NCKAP5: variants seen among roughly 807,000 people sequenced by gnomAD.
NCKAP5 encodes NCK associated protein 5.
NCKAP5 carries 92 observed loss-of-function variants against 167.0 expected under a neutral mutation model. The observed-to-expected ratio is 0.55, with a 90% CI of 0.47 to 0.66. The LOEUF (loss-of-function observed/expected upper bound fraction) is 0.66. Ranked by LOEUF, NCKAP5 falls within the 30% of genes least tolerant of loss-of-function variation. NCKAP5 has a pLI of 0.00. For missense variants in NCKAP5, 2,378 were observed against 2,315.0 expected (o/e 1.03, Z -0.56); for synonymous variants, 891 against 877.4 (o/e 1.02, Z -0.27).
At chr2:132,858,879 T>A (rs1003563395) in intron 11 of NCKAP5, among the ~76,000 whole-genome samples, 63 of 152,082 alleles carry the variant, frequency 4.1e-4, no homozygotes, top group African/African-American at 1.5e-3. Flanking sequence ...AAATAAATGA[T>A]CACAATTCAT....
At chr2:132,837,207 G>A (rs894497858) in intron 11 of NCKAP5, among the ~76,000 whole-genome samples, 1 of 152,114 alleles carries the variant, frequency 6.6e-6, no homozygotes, top group African/African-American at 2.4e-5. Flanking sequence ...TCCCCCATGT[G>A]TTCTAAAGCT....
chr2:133,278,122 G>A lies in NCKAP5; in HGVS notation c.143+24915C>T, dbSNP rs759880055. On this transcript the variant is annotated intron_variant, in intron 4 of 19. Transcript: ENST00000409261. ...GACTCAAACTCCAGATGCCATACAG[G>A]ATTAGTAAATTTGACTATGTAAAAT... Among the ~76,000 whole-genome samples, 77 of 152,274 alleles carry A rather than the reference G, an allele frequency of 5.1e-4. No homozygotes were observed. In the Middle Eastern group the frequency reaches 0.014, roughly 27 times the overall value.
chr2:133,674,698 G>C, the NCKAP5 span, among the ~76,000 whole-genome samples: 1 of 151,990 alleles, frequency 6.6e-6, no homozygotes, highest in Non-Finnish European at 1.5e-5. Context: ...AGACAGGGAT[G>C]CTGAATGTTT....
At position 133,471,592 on chromosome 2, in the gene NCKAP5, A is replaced by C. The variant is rs574117977; in HGVS notation, c.69+45866T>G. Among the ~76,000 whole-genome samples the C allele has an allele frequency of 7.8e-4, 118 of 152,150 alleles. 2 individuals are homozygous for C. Among genetic ancestry groups the C allele is most frequent in the Non-Finnish European group, 4.1e-4 (28 of 68,022 alleles). On this transcript the variant is annotated intron_variant, in intron 3 of 19. Coordinates refer to ENST00000409261, the MANE Select transcript of NCKAP5 (RefSeq NM_207363.3). Reference sequence around the variant, plus strand: ...GCTGTGGGTTGGTTGGGGTATATATACTTAGAAAGACACTGCCTTGGGTGA... The same window carrying C: ...GCTGTGGGTTGGTTGGGGTATATATCCTTAGAAAGACACTGCCTTGGGTGA...
At chr2:133,080,344 T>C (rs1430964002) in intron 6 of NCKAP5, among the ~76,000 whole-genome samples, 1 of 152,170 alleles carries the variant, frequency 6.6e-6, no homozygotes, top group Non-Finnish European at 1.5e-5. Flanking sequence ...GAACATCCCA[T>C]ATAATTTACA....
intron 16 of NCKAP5, among the ~76,000 whole-genome samples, chr2:132,766,531 C>A (rs1681509188): frequency 6.6e-6 from 1 of 152,144 alleles, no homozygotes; most frequent in Admixed American, 6.5e-5. Context: ...ATTTAAAAAT[C>A]AATGTGGTTT....
At chr2:133,346,434 C>T (rs572625382) in intron 3 of NCKAP5, among the ~76,000 whole-genome samples, 3 of 152,266 alleles carry the variant, frequency 2.0e-5, no homozygotes, top group African/African-American at 4.8e-5. Context: ...TTTGCTGAGA[C>T]GTGTGAGATT....
chr2:133,576,443 G>A, the NCKAP5 span, among the ~76,000 whole-genome samples: 45 of 152,238 alleles, frequency 3.0e-4, no homozygotes, highest in Admixed American at 1.7e-3. Context: ...TATTGAATGT[G>A]CTTATTCATT....
chr2:133,246,404 C>T (rs1253720769), intron 4 of NCKAP5, among the ~76,000 whole-genome samples: 2 of 152,122 alleles, frequency 1.3e-5, no homozygotes, highest in Non-Finnish European at 2.9e-5. Context: ...GGAGTAAAAT[C>T]GCTATAATGT....
At position 133,489,610 on chromosome 2, in the gene NCKAP5, C is replaced by A. The variant is rs190641424; in HGVS notation, c.69+27848G>T. ...TATACAATCTTCCATTGAACCCCTT[C>A]ATTTTATTTGTCCAGGTAACTACTT... On this transcript the variant is annotated intron_variant, in intron 3 of 19. Transcript: ENST00000409261. 5.8e-4 allele frequency among the ~76,000 whole-genome samples: 89 copies of A among 152,332 alleles called. 2 individuals are homozygous for A. The highest frequency in any genetic ancestry group is 2.1e-3 in the African/African-American group (89 of 41,580).
intron 4 of NCKAP5, among the ~76,000 whole-genome samples, chr2:133,252,396 A>G (rs2088390159): frequency 6.6e-6 from 1 of 152,174 alleles, no homozygotes; most frequent in African/African-American, 2.4e-5. Flanking sequence ...CATTTTCACT[A>G]CGGGGCTCTC....
the NCKAP5 span, among the ~76,000 whole-genome samples, chr2:133,594,404 G>A: frequency 6.6e-6 from 1 of 152,202 alleles, no homozygotes; most frequent in Non-Finnish European, 1.5e-5. Context: ...GCCACCATGA[G>A]GATACACAGC....
At chr2:133,649,879 A>G in the NCKAP5 span, among the ~76,000 whole-genome samples, 1 of 152,174 alleles carries the variant, frequency 6.6e-6, no homozygotes, top group Non-Finnish European at 1.5e-5. Context: ...AAAAGAAACA[A>G]AAGGCATCTA....
chr2:133,616,285 A>C, the NCKAP5 span, among the ~76,000 whole-genome samples: 2 of 148,956 alleles, frequency 1.3e-5, no homozygotes, highest in South Asian at 4.3e-4. Flanking sequence ...AGCAGAAGGC[A>C]AGAAATAACT....
At chr2:132,769,112 T>C (rs1011000840) in intron 16 of NCKAP5, among the ~76,000 whole-genome samples, 2 of 151,958 alleles carry the variant, frequency 1.3e-5, no homozygotes, top group Admixed American at 1.3e-4. Context: ...GCCTGACTAA[T>C]TTTTTAAAAA....
intron 15 of NCKAP5, among the ~76,000 whole-genome samples, chr2:132,776,278 T>C (rs898253247): frequency 6.6e-6 from 1 of 152,206 alleles, no homozygotes; most frequent in Non-Finnish European, 1.5e-5. Flanking sequence ...TGCATGTGTG[T>C]GTGTATAATT....
intron 4 of NCKAP5, among the ~76,000 whole-genome samples, chr2:133,297,633 C>G (rs961948476): frequency 6.6e-6 from 1 of 152,146 alleles, no homozygotes; most frequent in Non-Finnish European, 1.5e-5. Flanking sequence ...TGCACCTAGT[C>G]CTATATTATT....
intron 3 of NCKAP5, among the ~76,000 whole-genome samples, chr2:133,381,798 A>G (rs1686542698): frequency 6.6e-6 from 1 of 152,220 alleles, no homozygotes; most frequent in South Asian, 2.1e-4. Flanking sequence ...ATGTGGATTC[A>G]GAAACAGAGA....
chr2:132,987,126 C>T (rs1016861610), intron 7 of NCKAP5, among the ~76,000 whole-genome samples: 3 of 152,178 alleles, frequency 2.0e-5, no homozygotes, highest in African/African-American at 7.2e-5. Context: ...CCTGCAGCCA[C>T]TAGACCACCC....
Sources: allele counts gnomAD v4.1 joint callset (sites outside exome capture counted in the v4.1 genomes callset), GRCh38; gene constraint gnomAD v4.1.1; transcripts MANE v1.5; gene names NCBI Gene and HGNC (gene_info 2026-07-23, HGNC 2026-07-21).